ABCA13: variants seen among roughly 807,000 people sequenced by gnomAD.
ABCA13 encodes ATP binding cassette subfamily A member 13, also known as ATP-binding cassette sub-family A member 13.
In ABCA13, 476 loss-of-function variants were observed where a neutral mutation model predicts 478.7. That is an observed-to-expected ratio of 0.99 (90% CI 0.92 to 1.07). The LOEUF (loss-of-function observed/expected upper bound fraction) is 1.07, where lower values mean the gene tolerates loss of function less well. Ranked by LOEUF, ABCA13 falls within the 50% of genes least tolerant of loss-of-function variation. The pLI is 0.00. For missense variants in ABCA13, 6,060 were observed against 5,910.6 expected (o/e 1.03, Z -0.83); for synonymous variants, 2,252 against 2,158.9 (o/e 1.04, Z -1.20).
At chr7:48,324,870 G>T (rs1254217579) in intron 27 of ABCA13, among the ~76,000 whole-genome samples, 1 of 152,200 alleles carries the variant, frequency 6.6e-6, no homozygotes, top group South Asian at 2.1e-4. Flanking sequence ...CACAGTGTTT[G>T]CTTGTAAAAA....
intron 55 of ABCA13, among the ~76,000 whole-genome samples, chr7:48,555,188 T>G (rs1167986227): frequency 3.3e-5 from 5 of 151,984 alleles, no homozygotes; most frequent in African/African-American, 4.8e-5. Context: ...AAATTTCACT[T>G]GGTCATGATG....
At chr7:48,565,891 C>T (rs1261812260) in intron 55 of ABCA13, among the ~76,000 whole-genome samples, 1 of 152,134 alleles carries the variant, frequency 6.6e-6, no homozygotes, top group African/African-American at 2.4e-5. Flanking sequence ...GAGCCTGTGA[C>T]ATTCCTGTTA....
chr7:48,518,768 A>C (rs1323650058), intron 52 of ABCA13, among the ~76,000 whole-genome samples: 1 of 152,184 alleles, frequency 6.6e-6, no homozygotes, highest in African/African-American at 2.4e-5. Flanking sequence ...AAAGAAACCA[A>C]AAAAGGTGAC....
chr7:48,412,907 G>A (rs1404752966), intron 41 of ABCA13, among the ~76,000 whole-genome samples: 5 of 151,566 alleles, frequency 3.3e-5, no homozygotes, highest in Non-Finnish European at 7.4e-5. Context: ...TGCCTCCCGG[G>A]TTCACGCCAG....
chr7:48,364,737 G>A (rs1300852218), intron 31 of ABCA13, among the ~76,000 whole-genome samples: 1 of 152,050 alleles, frequency 6.6e-6, no homozygotes, highest in African/African-American at 2.4e-5. Flanking sequence ...CAAATAACAG[G>A]ATTTTTTCTT....
At chr7:48,555,275 G>T (rs893348445) in intron 55 of ABCA13, among the ~76,000 whole-genome samples, 5 of 151,898 alleles carry the variant, frequency 3.3e-5, no homozygotes, top group African/African-American at 1.2e-4. Flanking sequence ...ATTCATCAGA[G>T]ATATTGGCAC....
intron 53 of ABCA13, among the ~76,000 whole-genome samples, chr7:48,522,033 C>T (rs901421572): frequency 6.7e-6 from 1 of 149,774 alleles, no homozygotes; most frequent in Non-Finnish European, 1.5e-5. Context: ...ATCCTCCTCC[C>T]ATCCCACAGG....
chr7:48,178,450 G>A (rs572127924), intron 1 of ABCA13, among the ~76,000 whole-genome samples: 23 of 152,218 alleles, frequency 1.5e-4, no homozygotes, highest in Admixed American at 1.0e-3. Context: ...CGAGGAGGGC[G>A]GATCACCTGA....
At chr7:48,606,677 A>G (rs1300177654) in intron 58 of ABCA13, among the ~76,000 whole-genome samples, 1 of 152,172 alleles carries the variant, frequency 6.6e-6, no homozygotes, top group Non-Finnish European at 1.5e-5. Context: ...TCTCCCAGTC[A>G]GGATACACAG....
In ABCA13 at chr7:48,645,588, C is replaced by T. The variant is rs550077389; in HGVS notation, c.*76C>T. On this transcript the variant is annotated 3_prime_UTR_variant, in exon 62 of 62. Coordinates refer to ENST00000435803, the MANE Select transcript of ABCA13 (RefSeq NM_152701.5). ...AACAGTCAAGGATAAAACAAGCACG[C>T]GCACAATCAAGGAGCTGGAACACAC... 3.1e-5 allele frequency: 38 copies of T among 1,226,306 alleles called. No homozygotes were observed. The highest frequency in any genetic ancestry group is 1.4e-4 in the African/African-American group (9 of 65,934). 76.0% of individuals were successfully genotyped at this position (1,226,306 alleles called of 1,614,324 possible). A position where few individuals can be genotyped will look rare whatever the true frequency, so the allele number is the denominator to read the frequency against.
chr7:48,191,395 G>T (rs1340570731), intron 1 of ABCA13, among the ~76,000 whole-genome samples: 1 of 152,202 alleles, frequency 6.6e-6, no homozygotes, highest in African/African-American at 2.4e-5. Context: ...TTCAAAGACG[G>T]TGATTTATTT....
intron 11 of ABCA13, 128 bp downstream of exon 11, chr7:48,244,831 T>A (rs1791426810): frequency 3.0e-5 from 35 of 1,162,272 alleles, no homozygotes; most frequent in Non-Finnish European, 4.2e-5. Context: ...GTCATATGCA[T>A]ATTTATGCTT....
In ABCA13 at chr7:48,352,522, G is replaced by A. The variant is rs755762384; in HGVS notation, c.10688+35G>A. ...CTGGGGCAGGAGCCACCGACAGTGA[G>A]AAGGGCCTTGCATTTGTCTAGCTGA... On this transcript the variant is annotated intron_variant, in intron 31 of 61. Transcript: ENST00000435803. 12 of 1,530,602 alleles carry A rather than the reference G, an allele frequency of 7.8e-6. No individual in the cohort carries two copies. In the South Asian group the frequency reaches 1.3e-4, roughly 16 times the overall value. The allele number at this position is 1,530,602 out of a possible 1,614,324, so 94.8% of individuals were successfully genotyped here.
At chr7:48,612,497 G>GT (rs1280019394) in intron 58 of ABCA13, among the ~76,000 whole-genome samples, 10 of 152,146 alleles carry the variant, frequency 6.6e-5, no homozygotes, top group Non-Finnish European at 1.5e-4. Context: ...TTACTAGGTA[G>GT]TTTTTTAACA....
intron 20 of ABCA13, among the ~76,000 whole-genome samples, chr7:48,292,272 G>A (rs1175959098): frequency 6.6e-6 from 1 of 151,922 alleles, no homozygotes; most frequent in Non-Finnish European, 1.5e-5. Flanking sequence ...CAACAACCTT[G>A]GCATGCTTGT....
At chr7:48,449,187 G>A (rs1824682366) in intron 42 of ABCA13, among the ~76,000 whole-genome samples, 1 of 151,986 alleles carries the variant, frequency 6.6e-6, no homozygotes, top group African/African-American at 2.4e-5. Flanking sequence ...TTGTTTTTCA[G>A]GTTTTATGTT....
chr7:48,632,439 T>A (rs1794245342), intron 59 of ABCA13, among the ~76,000 whole-genome samples: 1 of 152,226 alleles, frequency 6.6e-6, no homozygotes, highest in Non-Finnish European at 1.5e-5. Context: ...TTAATCTTTT[T>A]TTCTTTTGTT....
rs565023037 is a variant in ABCA13, at chr7:48,226,223, G to C, written c.469-1039G>C. 3.9e-5 allele frequency among the ~76,000 whole-genome samples: 6 copies of C among 152,292 alleles called. No homozygotes were observed. The South Asian group carries it at 1.0e-3, about 26-fold the overall frequency. ...TATCATTGGATGGAAGGGAGATAAA[G>C]TAACAGAGGGGATTTGAGGATCATT... On this transcript the variant is annotated intron_variant, in intron 5 of 61. Coordinates refer to ENST00000435803, the MANE Select transcript of ABCA13 (RefSeq NM_152701.5).
rs940501874 is a variant in ABCA13, at chr7:48,606,192, C to T, written c.14745-9093C>T. Among the ~76,000 whole-genome samples the T allele has an allele frequency of 2.0e-5, 3 of 152,122 alleles. No homozygotes were observed. The East Asian group carries it at 5.8e-4, about 29-fold the overall frequency. On this transcript the variant is annotated intron_variant, in intron 58 of 61. Transcript: ENST00000435803. ...TAGCTCGGAGGAGTTTGTGATTACC[C>T]ACCTTCTGAAGCCTACTTCTGTCCG...
Sources: gnomAD v4.1 joint callset for allele counts (sites outside exome capture counted in the v4.1 genomes callset) on GRCh38, gnomAD v4.1.1 for gene constraint, MANE v1.5 for transcripts, NCBI Gene and HGNC (gene_info 2026-07-23, HGNC 2026-07-21) for gene names.